The following PARD3B variants were observed in gnomAD, a reference collection of about 807,000 sequenced individuals.
PARD3B encodes par-3 family cell polarity regulator beta.
PARD3B carries 103 observed loss-of-function variants against 130.2 expected under a neutral mutation model. The ratio of observed to expected loss-of-function variants is 0.79; its 90% CI spans 0.67 to 0.93. The LOEUF (loss-of-function observed/expected upper bound fraction) is 0.93, where lower values mean the gene tolerates loss of function less well. Ranked by LOEUF, PARD3B falls within the 40% of genes least tolerant of loss-of-function variation. The pLI is 0.00. For synonymous variants in PARD3B, 583 were observed against 553.2 expected (o/e 1.05, Z -0.76); for missense variants, 1,609 against 1,499.2 (o/e 1.07, Z -1.21).
chr2:205,462,921 G>C (rs932474165), intron 20 of PARD3B, among the ~76,000 whole-genome samples: 2 of 152,144 alleles, frequency 1.3e-5, no homozygotes, highest in African/African-American at 4.8e-5. Context: ...TCCACGTATT[G>C]TAATGAACCA....
chr2:205,044,817 T>A (rs1217955977), intron 3 of PARD3B, among the ~76,000 whole-genome samples: 1 of 152,168 alleles, frequency 6.6e-6, no homozygotes, highest in African/African-American at 2.4e-5. Flanking sequence ...TTAGATCCCA[T>A]TTCTCAGTTT....
At chr2:204,885,089 C>A (rs193141460) in intron 2 of PARD3B, among the ~76,000 whole-genome samples, 2 of 152,264 alleles carry the variant, frequency 1.3e-5, no homozygotes, top group African/African-American at 4.8e-5. Context: ...ATTTACACTC[C>A]CATCAATGGC....
At chr2:204,910,239 AG>A (rs1167967302) in intron 2 of PARD3B, among the ~76,000 whole-genome samples, 2 of 151,524 alleles carry the variant, frequency 1.3e-5, no homozygotes, top group Non-Finnish European at 3.0e-5. Flanking sequence ...ATTTCATAAA[AG>A]AGGTTTAGAA....
chr2:205,377,552 C>T (rs1340622556), intron 18 of PARD3B, among the ~76,000 whole-genome samples: 1 of 151,954 alleles, frequency 6.6e-6, no homozygotes, highest in Non-Finnish European at 1.5e-5. Context: ...GGGAGATCCC[C>T]AGCCCTATAC....
At chr2:205,110,789 G>T (rs986304331) in intron 5 of PARD3B, among the ~76,000 whole-genome samples, 3 of 151,802 alleles carry the variant, frequency 2.0e-5, no homozygotes, top group East Asian at 3.9e-4. Flanking sequence ...ACATAAATGT[G>T]CACATGTCCT....
rs982946086 is a variant in PARD3B, at chr2:205,172,325, A to C, written c.1735A>C (p.Asn579His). The C allele has an allele frequency of 6.2e-7, 1 of 1,614,124 alleles. No individual in the cohort carries two copies. Among genetic ancestry groups the C allele is most frequent in the East Asian group, 2.2e-5 (1 of 44,874 alleles). Reference sequence around the variant, plus strand: ...TAGGCGGTCAATGTCCATGGAGGGAAACATCCGAGGGATGATCCAGTTGGT... The same window carrying C: ...TAGGCGGTCAATGTCCATGGAGGGACACATCCGAGGGATGATCCAGTTGGT... ...TLRRSMSMEG[N>H]IRGMIQLVIL... The change falls in exon 12 of 23, where the codon AAC becomes CAC. Residue 579 changes from asparagine to histidine, a missense_variant. Physicochemically the swap from Asn to His is moderately conservative, Grantham distance 68. Coordinates refer to ENST00000406610, the MANE Select transcript of PARD3B (RefSeq NM_001302769.2).
chr2:204,961,960 C>G (rs1346360935), intron 2 of PARD3B, among the ~76,000 whole-genome samples: 1 of 152,096 alleles, frequency 6.6e-6, no homozygotes, highest in East Asian at 1.9e-4. Flanking sequence ...ACAGCACTTT[C>G]AAATTTTTGC....
rs778478406 is a variant in PARD3B at position 205,401,055 on chromosome 2, G to GAAA, written c.2674_2676dup (p.Lys892dup). The GAAA allele has an allele frequency of 2.5e-5, 40 of 1,604,044 alleles. No homozygotes were observed. The highest frequency in any genetic ancestry group is 3.3e-5 in the Non-Finnish European group (39 of 1,175,420). ...AGGATAAGGGTGGAAAGGCTGAGCA[G>GAAA]AAAGGTACTCTGAAACATGGTGGCC... On this transcript the variant is annotated inframe_insertion, in exon 19 of 23. Coordinates refer to ENST00000406610, the MANE Select transcript of PARD3B (RefSeq NM_001302769.2).
chr2:204,729,998 A>AACACAT (rs2039426783), intron 2 of PARD3B, among the ~76,000 whole-genome samples: 1 of 141,366 alleles, frequency 7.1e-6, no homozygotes, highest in Non-Finnish European at 1.6e-5. Context: ...CACACACACA[A>AACACAT]ACACACACAC....
Position 205,598,363 on chromosome 2 carries a change from CA to C in PARD3B, c.3261-17082del, listed in dbSNP as rs376055421. 7.2e-3 allele frequency among the ~76,000 whole-genome samples: 918 copies of C among 127,334 alleles called. 4 individuals carry two copies. The highest frequency in any genetic ancestry group is 0.021 in the South Asian group (83 of 4,034). The allele number at this position is 127,334 out of a possible 152,430, so 83.5% of individuals were successfully genotyped here. A position where few individuals can be genotyped will look rare whatever the true frequency, so the allele number is the denominator to read the frequency against. ...TTGAATGAACAACCATCAGAAAGGA[CA>C]AAAAAAAAAAGCATTCCATAATGAT... On this transcript the variant is annotated intron_variant, in intron 22 of 22. Coordinates refer to ENST00000406610, the MANE Select transcript of PARD3B (RefSeq NM_001302769.2).
Position 205,563,897 on chromosome 2 carries a change from A to T in PARD3B, c.3260+10494A>T, listed in dbSNP as rs1250378222. On this transcript the variant is annotated intron_variant, in intron 22 of 22. Transcript: ENST00000406610. This position sits in a 1 kb window ranked among gnomAD's most constrained non-coding sequence, Gnocchi z 4.2. The stretch of plus-strand genomic sequence containing the variant: ...ACCAGGTCCCCAGCCCCTAGATTGC[A>T]CTCTGCACCACTCCTCCACAGAACA... 6.6e-6 allele frequency among the ~76,000 whole-genome samples: 1 copy of T among 152,040 alleles called. No homozygotes were observed. The highest frequency in any genetic ancestry group is 1.5e-5 in the Non-Finnish European group (1 of 68,008).
At chr2:205,614,551 C>G (rs1222825104) in intron 22 of PARD3B, among the ~76,000 whole-genome samples, 2 of 151,778 alleles carry the variant, frequency 1.3e-5, no homozygotes, top group African/African-American at 2.4e-5. Context: ...AAAAAAAATA[C>G]AAAACTTAGT....
intron 18 of PARD3B, among the ~76,000 whole-genome samples, chr2:205,334,758 G>C (rs2043250194): frequency 2.0e-5 from 3 of 152,144 alleles, no homozygotes; most frequent in African/African-American, 7.2e-5. Flanking sequence ...AGAAAGTTTT[G>C]CTTATCATTA....
intron 4 of PARD3B, among the ~76,000 whole-genome samples, chr2:205,054,404 T>TATATA (rs1699451825): frequency 1.7e-3 from 58 of 33,764 alleles, no homozygotes; most frequent in Non-Finnish European, 2.6e-3. Flanking sequence ...GACATGTCTT[T>TATATA]TATATATATA....
intron 1 of PARD3B, among the ~76,000 whole-genome samples, chr2:204,683,679 C>G (rs1013127854): frequency 3.2e-4 from 48 of 152,130 alleles, no homozygotes; most frequent in Non-Finnish European, 5.0e-4. Context: ...TATGGCTTGT[C>G]TGTTTTTGTT....
At chr2:205,170,038 C>T (rs986449213) in intron 11 of PARD3B, among the ~76,000 whole-genome samples, 20 of 150,398 alleles carry the variant, frequency 1.3e-4, no homozygotes, top group African/African-American at 4.6e-4. Context: ...TCAAGCGATT[C>T]TCCTGCCTCA....
intron 2 of PARD3B, among the ~76,000 whole-genome samples, chr2:204,958,597 T>C (rs988227277): frequency 3.3e-5 from 5 of 152,076 alleles, no homozygotes; most frequent in African/African-American, 1.2e-4. Flanking sequence ...GAAAGCAAAA[T>C]ACGGATAAAC....
chr2:205,456,242 A>G (rs1411896113), intron 20 of PARD3B, among the ~76,000 whole-genome samples: 2 of 152,046 alleles, frequency 1.3e-5, no homozygotes, highest in East Asian at 3.9e-4. Context: ...TGGATGTACC[A>G]TTTGCTTAAT....
chr2:205,185,691 A>T (rs959183529), intron 13 of PARD3B, 73 bp from the exon 14 acceptor site: 3 of 1,261,894 alleles, frequency 2.4e-6, no homozygotes, highest in African/African-American at 2.9e-5. Context: ...TCTGAGAGAG[A>T]TACTGAAACC....
Sources: gnomAD v4.1 joint callset for allele counts (sites outside exome capture counted in the v4.1 genomes callset) on GRCh38, gnomAD v4.1.1 for gene constraint, Gnocchi (gnomAD v3.1) non-coding constraint, MANE v1.5 for transcripts, NCBI Gene and HGNC (gene_info 2026-07-23, HGNC 2026-07-21) for gene names.